ALDH1L1: variants seen among roughly 807,000 people sequenced by gnomAD.
ALDH1L1 encodes the protein aldehyde dehydrogenase 1 family member L1.
A neutral mutation model predicts 101.1 loss-of-function variants in ALDH1L1; 68 were observed. The observed-to-expected ratio is 0.67, with a 90% CI of 0.55 to 0.82. The LOEUF is 0.82. ALDH1L1 is among the 40% of genes least tolerant of loss of function. The pLI is 0.00. For missense variants in ALDH1L1, 1,087 were observed against 1,172.7 expected (o/e 0.93, Z 1.07); for synonymous variants, 486 against 470.8 (o/e 1.03, Z -0.42).
At chr3:126,165,814 T>G (rs1051111188) in intron 1 of ALDH1L1, among the ~76,000 whole-genome samples, 1 of 152,228 alleles carries the variant, frequency 6.6e-6, no homozygotes, top group African/African-American at 2.4e-5. Flanking sequence ...TCTTCTCTTT[T>G]TGTGTGTTAA....
chr3:126,142,147 G>A (rs2080581124), intron 9 of ALDH1L1, among the ~76,000 whole-genome samples: 2 of 93,614 alleles, frequency 2.1e-5, no homozygotes, highest in Admixed American at 2.0e-4. Flanking sequence ...CTCACTCATG[G>A]AGAAACAGAA....
chr3:126,130,265 C>G lies in ALDH1L1; in HGVS notation c.1652G>C (p.Arg551Thr), dbSNP rs2108233570. The G allele has an allele frequency of 6.2e-7, 1 of 1,611,692 alleles. No individual in the cohort carries two copies. Among genetic ancestry groups the G allele is most frequent in the Non-Finnish European group, 8.5e-7 (1 of 1,178,822 alleles). ...QGSTIPINQA[R>T]PNRNLTLTRK... is the part of the protein sequence containing the mutation. ...GGTCAAGGTCAGGTTGCGGTTGGGT[C>G]TGGCCTGGTTGATGGGGATGGTGGA... is the stretch of plus-strand genomic sequence containing the variant. Residue 551 changes from arginine (R) to threonine (T), a missense_variant, in exon 14 of 23, where the codon AGA becomes ACA. Around this residue, in one of 2 missense-constraint regions of ALDH1L1, gnomAD observed 442 missense variants for 535.7 expected, o/e 0.83. Coordinates refer to ENST00000393434, the MANE Select transcript of ALDH1L1 (RefSeq NM_012190.4).
chr3:126,118,232 G>T (rs2080014198), intron 16 of ALDH1L1, 134 bp from the exon 17 acceptor site: 1 of 706,670 alleles, frequency 1.4e-6, no homozygotes, highest in Non-Finnish European at 2.5e-6. Flanking sequence ...TGATCCCCAT[G>T]GTGCCTGGGG....
chr3:126,113,376 A>G (rs1312123165), intron 18 of ALDH1L1, among the ~76,000 whole-genome samples: 1 of 152,098 alleles, frequency 6.6e-6, no homozygotes, highest in East Asian at 1.9e-4. Context: ...TGGGTGGGTG[A>G]GAGGTGGGGC....
intron 18 of ALDH1L1, among the ~76,000 whole-genome samples, chr3:126,113,906 C>G (rs1380690890): frequency 6.6e-6 from 1 of 152,216 alleles, no homozygotes; most frequent in African/African-American, 2.4e-5. Context: ...TCTGCAGCCA[C>G]CCGGGAGGTG....
chr3:126,154,261 A>C (rs1034779228), intron 6 of ALDH1L1, among the ~76,000 whole-genome samples: 7 of 152,130 alleles, frequency 4.6e-5, no homozygotes, highest in Non-Finnish European at 8.8e-5. Context: ...GGGTCTCCGC[A>C]AGCCCAGTGG....
chr3:126,118,620 C>A (rs1486145053), intron 16 of ALDH1L1, among the ~76,000 whole-genome samples: 1 of 152,030 alleles, frequency 6.6e-6, no homozygotes, highest in Non-Finnish European at 1.5e-5. Flanking sequence ...GTAGCCCAAG[C>A]AAATCAACCC....
At chr3:126,161,258 T>C (rs1240198238) in intron 1 of ALDH1L1, among the ~76,000 whole-genome samples, 3 of 152,236 alleles carry the variant, frequency 2.0e-5, no homozygotes, top group Non-Finnish European at 4.4e-5. Flanking sequence ...GATTGTAGAA[T>C]TAGGGGATTT....
At chr3:126,189,388 G>A (rs1028881000) in intron 1 of ALDH1L1, among the ~76,000 whole-genome samples, 3 of 152,144 alleles carry the variant, frequency 2.0e-5, no homozygotes, top group Admixed American at 6.5e-5. Flanking sequence ...CATGTCATCT[G>A]CTTCCAGGAA....
At chr3:126,196,901 G>T (rs549010937) in intron 1 of ALDH1L1, among the ~76,000 whole-genome samples, 5 of 152,280 alleles carry the variant, frequency 3.3e-5, no homozygotes, top group African/African-American at 1.2e-4. Flanking sequence ...AGTCTCCATC[G>T]CCCTTCCCAG....
chr3:126,164,331 C>G (rs147813046), intron 1 of ALDH1L1, among the ~76,000 whole-genome samples: 2 of 152,268 alleles, frequency 1.3e-5, no homozygotes, highest in East Asian at 3.9e-4. Flanking sequence ...ACATATTGCA[C>G]CCAGGTAGTA....
At chr3:126,108,000 A>G (rs977636818) in intron 20 of ALDH1L1, 1 of 152,264 alleles carries the variant, frequency 6.6e-6, no homozygotes. Flanking sequence ...TCTAGTTTTT[A>G]GAGAAATAGA....
upstream of ALDH1L1, among the ~76,000 whole-genome samples, chr3:126,183,316 T>C (rs1463821519): frequency 6.6e-6 from 1 of 152,148 alleles, no homozygotes; most frequent in Non-Finnish European, 1.5e-5. Context: ...ACATGCAACA[T>C]TTTTAAAAGA....
intron 1 of ALDH1L1, among the ~76,000 whole-genome samples, chr3:126,187,010 A>C (rs6762969): frequency 6.6e-6 from 1 of 152,142 alleles, no homozygotes; most frequent in East Asian, 1.9e-4. Context: ...ATCCAGGAAC[A>C]GGCACCCAGG....
At position 126,136,830 on chromosome 3, in the gene ALDH1L1, A is replaced by G. The variant is rs1308532790; in HGVS notation, c.1278T>C (p.Ile426=). 6 of 1,610,830 alleles carry G rather than the reference A, an allele frequency of 3.7e-6. No individual in the cohort carries two copies. The African/African-American group carries it at 4.0e-5, about 11-fold the overall frequency. Residue 426 remains isoleucine (I), a synonymous_variant, in exon 11 of 23, where the codon ATT becomes ATC. Coordinates refer to ENST00000393434, the MANE Select transcript of ALDH1L1 (RefSeq NM_012190.4). ...CCTCGGCATCCACGAACTCCCCCCC[A>G]ATGAAGAGCTGGTGGGGCATGCGGA... The part of the protein sequence containing the change: ...RTVRMPHQLF[I]GGEFVDAEGA...
chr3:126,148,450 G>A (rs946465556), intron 8 of ALDH1L1, among the ~76,000 whole-genome samples: 2 of 152,224 alleles, frequency 1.3e-5, no homozygotes, highest in Non-Finnish European at 2.9e-5. Context: ...CAACACCGGG[G>A]AGCTGCACAG....
In ALDH1L1 at chr3:126,125,568, A is replaced by C. The variant is rs1404707467; in HGVS notation, c.1800+48T>G. ...TCCTCCCTTATAGAGTGAGTTCCTG[A>C]TCCTCTCTGTGGCCTGCAGGCCCTG... On this transcript the variant is annotated intron_variant, in intron 15 of 22. Coordinates refer to ENST00000393434, the MANE Select transcript of ALDH1L1 (RefSeq NM_012190.4). The C allele has an allele frequency of 2.2e-5, 30 of 1,383,772 alleles. No individual in the cohort carries two copies. The Admixed American group carries it at 4.7e-4, about 22-fold the overall frequency. 85.7% of individuals were successfully genotyped at this position (1,383,772 alleles called of 1,614,324 possible). A position where few individuals can be genotyped will look rare whatever the true frequency, so the allele number is the denominator to read the frequency against.
At chr3:126,182,824 A>T (rs917804737), upstream of ALDH1L1, among the ~76,000 whole-genome samples, 2 of 152,172 alleles carry the variant, frequency 1.3e-5, no homozygotes, top group Non-Finnish European at 2.9e-5. Flanking sequence ...AATCATGTGG[A>T]AAGTAGAAAA....
At position 126,110,380 on chromosome 3, in the gene ALDH1L1, A is replaced by G. The variant is rs567485336; in HGVS notation, c.2182-271T>C. The G allele has an allele frequency of 8.0e-6, 4 of 502,502 alleles. No homozygotes were observed. In the Admixed American group the frequency reaches 1.4e-4, roughly 17 times the overall value. 31.1% of individuals were successfully genotyped at this position (502,502 alleles called of 1,614,324 possible). On this transcript the variant is annotated intron_variant, in intron 19 of 22. Transcript: ENST00000393434. Reference sequence around the variant, plus strand: ...ACATACAGGGGTGTGGGTGAGGAGGACAGAGGCCGGCATATTTGACTAGTT... The same window carrying G: ...ACATACAGGGGTGTGGGTGAGGAGGGCAGAGGCCGGCATATTTGACTAGTT...
Sources: allele counts gnomAD v4.1 joint callset (sites outside exome capture counted in the v4.1 genomes callset), GRCh38; gene constraint gnomAD v4.1.1; regional missense constraint gnomAD v4.1.1; transcripts MANE v1.5; gene names NCBI Gene and HGNC (gene_info 2026-07-23, HGNC 2026-07-21).